The following SLCO4A1 variants were observed in gnomAD, a reference collection of about 807,000 sequenced individuals.
SLCO4A1 encodes the protein colon organic anion transporter.
SLCO4A1 carries 51 observed loss-of-function variants against 64.6 expected under a neutral mutation model. The observed-to-expected ratio is 0.79, with a 90% CI of 0.63 to 1.00. The LOEUF is 1.00. SLCO4A1 is among the 50% of genes least tolerant of loss of function. The pLI is 0.00. For missense variants in SLCO4A1, 919 were observed against 980.5 expected, an observed-to-expected ratio of 0.94 and a Z score of 0.84; for synonymous variants, 471 against 444.9, an observed-to-expected ratio of 1.06 and a Z score of -0.74.
rs1441425287 is a variant in SLCO4A1, at chr20:62,645,583, T to A, written c.-97+3030T>A. Among the ~76,000 whole-genome samples, 6 of 151,570 alleles carry A rather than the reference T, an allele frequency of 4.0e-5. No individual in the cohort carries two copies. The highest frequency in any genetic ancestry group is 7.4e-5 in the Non-Finnish European group (5 of 67,842). ...GCTGTCTCCAACCCTTCAGTTCTTT[T>A]CAGTAGCCTCCTTCCCACCAGCATC... On this transcript the variant is annotated intron_variant, in intron 1 of 11. Coordinates refer to ENST00000217159, the MANE Select transcript of SLCO4A1 (RefSeq NM_016354.4). The surrounding 1 kb of genome is among the most constrained non-coding windows in gnomAD (Gnocchi z 4.2).
chr20:62,668,403 G>A, intron 9 of SLCO4A1, 74 bp from the exon 10 acceptor site: 3 of 1,490,118 alleles, frequency 2.0e-6, no homozygotes, highest in South Asian at 1.1e-5. Context: ...GGTCCAGGAG[G>A]CCACTGGCCT....
At chr20:62,689,251 C>T (rs1305043349), downstream of SLCO4A1, among the ~76,000 whole-genome samples, 1 of 99,496 alleles carries the variant, frequency 1.0e-5, no homozygotes, top group Non-Finnish European at 2.1e-5. Flanking sequence ...CCCTGGCCGG[C>T]TGTGTCCCGT....
downstream of SLCO4A1, among the ~76,000 whole-genome samples, chr20:62,688,476 G>A (rs772295438): frequency 3.3e-5 from 5 of 152,228 alleles, no homozygotes; most frequent in South Asian, 2.1e-4. Context: ...AGCTCAGTCT[G>A]TGTGCACACA....
At chr20:62,654,985 T>C (rs1401798128) in intron 1 of SLCO4A1, among the ~76,000 whole-genome samples, 1 of 152,210 alleles carries the variant, frequency 6.6e-6, no homozygotes, top group Non-Finnish European at 1.5e-5. Context: ...TTTTATAATA[T>C]GGACACCGGT....
At chr20:62,666,105 G>GCCCCGCCCCGCCC (rs1555916066) in intron 6 of SLCO4A1, 7 of 28,224 alleles carry the variant, frequency 2.5e-4, no homozygotes, top group African/African-American at 7.4e-4. Context: ...CCCCCGCCCC[G>GCCCCGCCCCGCCC]CCCCGCCCCC....
At chr20:62,673,063 T>C (rs1169566592), downstream of SLCO4A1, among the ~76,000 whole-genome samples, 1 of 143,098 alleles carries the variant, frequency 7.0e-6, no homozygotes, top group Non-Finnish European at 1.6e-5. Flanking sequence ...TTTGATTTGC[T>C]AAGTAAGGAG....
chr20:62,648,087 G>A (rs779354287), intron 1 of SLCO4A1, among the ~76,000 whole-genome samples: 3 of 152,256 alleles, frequency 2.0e-5, no homozygotes, highest in African/African-American at 4.8e-5. Context: ...AGGCTCCAGG[G>A]ACACATTATC....
downstream of SLCO4A1, among the ~76,000 whole-genome samples, chr20:62,689,987 C>T (rs1988177818): frequency 6.6e-6 from 1 of 152,236 alleles, no homozygotes; most frequent in Non-Finnish European, 1.5e-5. Context: ...AGCGCCTGCA[C>T]TCCTGTTCAC....
At chr20:62,678,233 G>A (rs915654189) in intron 2 of SLCO4A1, among the ~76,000 whole-genome samples, 1 of 152,034 alleles carries the variant, frequency 6.6e-6, no homozygotes, top group Non-Finnish European at 1.5e-5. Context: ...GAGAAGAGAG[G>A]GTTTTGTTTA....
chr20:62,675,661 C>T (rs1235111255), downstream of SLCO4A1, among the ~76,000 whole-genome samples: 1 of 152,224 alleles, frequency 6.6e-6, no homozygotes, highest in Admixed American at 6.5e-5. Flanking sequence ...GCTCCTGGCC[C>T]TGCCACAGAG....
chr20:62,661,893 C>T lies in SLCO4A1; in HGVS notation c.1121+718C>T, dbSNP rs6062748. Among the ~76,000 whole-genome samples, 5,104 of 152,136 alleles carry T rather than the reference C, an allele frequency of 0.034. 192 individuals are homozygous for T. Among genetic ancestry groups the T allele is most frequent in the African/African-American group, 0.089 (3,676 of 41,514 alleles). ...ACAGAGGGGCCCGGGCCCTCCCGGC[C>T]TCTCCTGGGGATCATGCCTTCCCTG... On this transcript the variant is annotated intron_variant, in intron 5 of 11. Transcript: ENST00000217159. The surrounding 1 kb of genome is among the most constrained non-coding windows in gnomAD (Gnocchi z 5.2).
rs540602848 is a variant in SLCO4A1, at chr20:62,644,539, G to A, written c.-97+1986G>A. ...TCCTTGCTAGACTAAGCCCAGAGAGGCCGGCTCTCCTCGGGGCTCTGATGG... is the reference window on the plus strand; with the variant it reads ...TCCTTGCTAGACTAAGCCCAGAGAGACCGGCTCTCCTCGGGGCTCTGATGG... On this transcript the variant is annotated intron_variant, in intron 1 of 11. Coordinates refer to ENST00000217159, the MANE Select transcript of SLCO4A1 (RefSeq NM_016354.4). The surrounding 1 kb of genome is among the most constrained non-coding windows in gnomAD (Gnocchi z 5.4). 4.6e-5 allele frequency among the ~76,000 whole-genome samples: 7 copies of A among 152,372 alleles called. No homozygotes were observed. The South Asian group carries it at 1.2e-3, about 27-fold the overall frequency.
rs1324787569 is a variant in SLCO4A1 at position 62,657,206 on chromosome 20, A to G, written c.752A>G (p.Tyr251Cys). The change falls in exon 2 of 12, where the codon TAC becomes TGC. Residue 251 changes from tyrosine (Y) to cysteine (C), a missense_variant. By Grantham distance (194) the Tyr-to-Cys change is radical. Coordinates refer to ENST00000217159, the MANE Select transcript of SLCO4A1 (RefSeq NM_016354.4). The stretch of plus-strand genomic sequence containing the variant: ...CCCCTCTACACGCTGGGCGTCACCT[A>G]CCTGGATGAGAACGTCAAGTCCAGC... ...ATPLYTLGVT[Y>C]LDENVKSSCS... is the part of the protein sequence containing the mutation. 4 of 1,544,972 alleles carry G rather than the reference A, an allele frequency of 2.6e-6. No individual in the cohort carries two copies. In the Admixed American group the frequency reaches 5.9e-5, roughly 23 times the overall value.
intron 9 of SLCO4A1, 115 bp from the exon 10 acceptor site, chr20:62,668,361 CT>C: frequency 1.5e-6 from 2 of 1,304,684 alleles, no homozygotes; most frequent in Middle Eastern, 1.9e-4. Context: ...GGGCTTCCCA[CT>C]TGGGGGGGGG....
Position 62,661,041 on chromosome 20 carries a change from C to CCCCCCCCCCCCCCCCCCCAA in SLCO4A1, c.1010-23_1010-22insCCCCCCCCCCCCCCCCCCAA. ...TCCGGGAGCCCCCAGCCCCCAGCCCCAGCTCACTCTGTGCCCTTCCAGGCT... is the reference window on the plus strand; with the variant it reads ...TCCGGGAGCCCCCAGCCCCCAGCCCCCCCCCCCCCCCCCCCCCCAAAGCTCACTCTGTGCCCTTCCAGGCT... On this transcript the variant is annotated intron_variant, in intron 4 of 11. Coordinates refer to ENST00000217159, the MANE Select transcript of SLCO4A1 (RefSeq NM_016354.4). This position sits in a 1 kb window ranked among gnomAD's most constrained non-coding sequence, Gnocchi z 5.2. 1.4e-6 allele frequency: 2 copies of CCCCCCCCCCCCCCCCCCCAA among 1,424,136 alleles called. No homozygotes were observed. Among genetic ancestry groups the CCCCCCCCCCCCCCCCCCCAA allele is most frequent in the Non-Finnish European group, 2.0e-6 (2 of 1,010,134 alleles). The allele number at this position is 1,424,136 out of a possible 1,614,324, so 88.2% of individuals were successfully genotyped here.
chr20:62,655,654 C>T (rs1601627861), intron 1 of SLCO4A1, among the ~76,000 whole-genome samples: 3 of 152,302 alleles, frequency 2.0e-5, no homozygotes, highest in South Asian at 4.1e-4. Context: ...AACTGGTCTA[C>T]ATGGCTGCCG....
At chr20:62,659,796 G>A (rs966023363) in intron 3 of SLCO4A1, among the ~76,000 whole-genome samples, 1 of 152,152 alleles carries the variant, frequency 6.6e-6, no homozygotes, top group African/African-American at 2.4e-5. Context: ...TTGCCCTCCC[G>A]CCGCTGCCTC....
intron 11 of SLCO4A1, among the ~76,000 whole-genome samples, chr20:62,669,694 G>T (rs574913244): frequency 6.6e-6 from 1 of 152,042 alleles, no homozygotes; most frequent in African/African-American, 2.4e-5. Flanking sequence ...GCGGTCCCAC[G>T]GCCAGCTGTT....
At position 62,657,266 on chromosome 20, in the gene SLCO4A1, G is replaced by C; in HGVS notation, c.796+16G>C. 2 of 1,506,918 alleles carry C rather than the reference G, an allele frequency of 1.3e-6. No individual in the cohort carries two copies. The highest frequency in any genetic ancestry group is 1.8e-6 in the Non-Finnish European group (2 of 1,118,996). The allele number at this position is 1,506,918 out of a possible 1,614,324, so 93.3% of individuals were successfully genotyped here. On this transcript the variant is annotated intron_variant, in intron 2 of 11. Coordinates refer to ENST00000217159, the MANE Select transcript of SLCO4A1 (RefSeq NM_016354.4). ...GTCTACATTGGTGAGTGGGGCTGGCGGGGTAAGTGCTGGCAGGGGTGGCTG... is the reference window on the plus strand; with the variant it reads ...GTCTACATTGGTGAGTGGGGCTGGCCGGGTAAGTGCTGGCAGGGGTGGCTG...
Sources: gnomAD v4.1 joint callset for allele counts (sites outside exome capture counted in the v4.1 genomes callset) on GRCh38, gnomAD v4.1.1 for gene constraint, Gnocchi (gnomAD v3.1) non-coding constraint, MANE v1.5 for transcripts, NCBI Gene and HGNC (gene_info 2026-07-23, HGNC 2026-07-21) for gene names.